ARHGAP24: variants seen among roughly 807,000 people sequenced by gnomAD.
ARHGAP24 encodes Rho GTPase activating protein 24.
ARHGAP24 carries 50 observed loss-of-function variants against 76.4 expected under a neutral mutation model. That is an observed-to-expected ratio of 0.65 (90% CI 0.52 to 0.83). The LOEUF is 0.83. Among genes scored for constraint, ARHGAP24 ranks in the 40% least tolerant of loss-of-function variants. The probability of loss-of-function intolerance (pLI) is 0.00; values close to 1 mark genes in which losing one functional copy is unlikely to be tolerated. For synonymous variants in ARHGAP24, 345 were observed against 323.3 expected (o/e 1.07, Z -0.72); for missense variants, 930 against 914.2 (o/e 1.02, Z -0.22).
chr4:85,874,630 T>C (rs1320561204), intron 3 of ARHGAP24, among the ~76,000 whole-genome samples: 1 of 151,524 alleles, frequency 6.6e-6, no homozygotes, highest in South Asian at 2.1e-4. Flanking sequence ...ATCATTCCCC[T>C]GTTTAACGAT....
chr4:85,953,742 G>T (rs71603476), intron 5 of ARHGAP24, among the ~76,000 whole-genome samples: 4,047 of 152,156 alleles, frequency 0.027, 86 homozygotes, highest in South Asian at 0.058. Flanking sequence ...CAGAGAGCAG[G>T]CACGAGGTCA....
chr4:85,838,128 A>G (rs1254130716), intron 3 of ARHGAP24, among the ~76,000 whole-genome samples: 1 of 152,152 alleles, frequency 6.6e-6, no homozygotes, highest in East Asian at 1.9e-4. Flanking sequence ...TCTCACAACA[A>G]TGCTATAAAC....
chr4:85,856,024 G>T (rs1005657174), intron 3 of ARHGAP24, among the ~76,000 whole-genome samples: 1 of 152,154 alleles, frequency 6.6e-6, no homozygotes, highest in Non-Finnish European at 1.5e-5. Flanking sequence ...AACTTTAAAA[G>T]AAATGTGGTA....
intron 1 of ARHGAP24, among the ~76,000 whole-genome samples, chr4:85,484,199 C>G (rs1001721899): frequency 1.3e-5 from 2 of 152,184 alleles, no homozygotes. Flanking sequence ...TAGCTAGATT[C>G]TGTACCTTCT....
At chr4:85,519,387 G>T (rs1326912351) in intron 1 of ARHGAP24, among the ~76,000 whole-genome samples, 1 of 152,102 alleles carries the variant, frequency 6.6e-6, no homozygotes, top group Non-Finnish European at 1.5e-5. Flanking sequence ...TTGGACCCAG[G>T]ACTACCTGGC....
intron 1 of ARHGAP24, 103 bp from the exon 2 acceptor site, chr4:85,570,393 TCTTTCTTTCTTTCTTTCTTTCTTTCC>T (rs1553915267): frequency 2.1e-5 from 2 of 94,664 alleles, no homozygotes; most frequent in South Asian, 5.1e-4. Flanking sequence ...TTTCTTTCTT[TCTTTCTTTCTTTCTTTCTTTCTTTCC>T]TCTCTCTCTC....
chr4:85,894,566 T>G (rs1174680141), intron 3 of ARHGAP24, among the ~76,000 whole-genome samples: 1 of 152,158 alleles, frequency 6.6e-6, no homozygotes, highest in Non-Finnish European at 1.5e-5. Flanking sequence ...CTAAGCAAAG[T>G]TGAATCACTA....
At chr4:85,918,930 G>A (rs375506668) in intron 3 of ARHGAP24, among the ~76,000 whole-genome samples, 20 of 151,954 alleles carry the variant, frequency 1.3e-4, no homozygotes, top group East Asian at 1.9e-4. Flanking sequence ...TTTAAAATGC[G>A]AACAAATCTA....
At chr4:85,998,049 T>G (rs1047731677) in intron 9 of ARHGAP24, among the ~76,000 whole-genome samples, 22 of 152,210 alleles carry the variant, frequency 1.4e-4, no homozygotes, top group Non-Finnish European at 2.8e-4. Flanking sequence ...AACTATTCCC[T>G]TATTACTGGA....
At chr4:85,765,194 A>G (rs375180671) in intron 3 of ARHGAP24, among the ~76,000 whole-genome samples, 17 of 152,294 alleles carry the variant, frequency 1.1e-4, no homozygotes, top group African/African-American at 4.1e-4. Context: ...GTTTTGTGAA[A>G]GGTAGCTATT....
At chr4:85,769,277 G>C (rs962250564) in intron 3 of ARHGAP24, among the ~76,000 whole-genome samples, 1 of 152,118 alleles carries the variant, frequency 6.6e-6, no homozygotes, top group Non-Finnish European at 1.5e-5. Flanking sequence ...CATTTATTAG[G>C]TAGTCATTTT....
At chr4:85,746,034 G>T (rs1453700158) in intron 3 of ARHGAP24, among the ~76,000 whole-genome samples, 1 of 152,196 alleles carries the variant, frequency 6.6e-6, no homozygotes, top group Non-Finnish European at 1.5e-5. Flanking sequence ...TCAAGTCGGG[G>T]TAGGTTTTTA....
intron 3 of ARHGAP24, among the ~76,000 whole-genome samples, chr4:85,751,375 A>G (rs1272820964): frequency 6.6e-6 from 1 of 152,198 alleles, no homozygotes; most frequent in Non-Finnish European, 1.5e-5. Context: ...AATATCTTAT[A>G]AATGTATGTT....
intron 1 of ARHGAP24, among the ~76,000 whole-genome samples, chr4:85,500,941 A>G (rs981728661): frequency 2.6e-5 from 4 of 151,450 alleles, no homozygotes; most frequent in Non-Finnish European, 5.9e-5. Context: ...TCATTGTTCA[A>G]TTCCCACCTA....
intron 2 of ARHGAP24, among the ~76,000 whole-genome samples, chr4:85,638,970 C>G (rs770186641): frequency 7.2e-5 from 11 of 152,106 alleles, no homozygotes; most frequent in Non-Finnish European, 1.5e-4. Flanking sequence ...TTTACAGAGG[C>G]CTTCTGTTAT....
At chr4:85,917,149 G>A (rs1296968266) in intron 3 of ARHGAP24, among the ~76,000 whole-genome samples, 2 of 152,022 alleles carry the variant, frequency 1.3e-5, no homozygotes, top group African/African-American at 4.8e-5. Context: ...ACCTATGAGT[G>A]AGAACATGCA....
intron 2 of ARHGAP24, among the ~76,000 whole-genome samples, chr4:85,676,240 G>A (rs937178474): frequency 6.6e-6 from 1 of 152,098 alleles, no homozygotes; most frequent in Non-Finnish European, 1.5e-5. Context: ...TACACACACT[G>A]GGCTGCCAAA....
chr4:85,910,978 T>C (rs532591931), intron 3 of ARHGAP24, among the ~76,000 whole-genome samples: 1 of 152,104 alleles, frequency 6.6e-6, no homozygotes, highest in African/African-American at 2.4e-5. Context: ...GACTTTGCTC[T>C]GAGATCGGAG....
chr4:85,628,306 G>T (rs1482312461), intron 2 of ARHGAP24, among the ~76,000 whole-genome samples: 1 of 152,140 alleles, frequency 6.6e-6, no homozygotes, highest in Non-Finnish European at 1.5e-5. Context: ...AATTTCTCCT[G>T]TCATTGATTT....
Sources: allele counts gnomAD v4.1 joint callset (sites outside exome capture counted in the v4.1 genomes callset), GRCh38; gene constraint gnomAD v4.1.1; transcripts MANE v1.5; gene names NCBI Gene and HGNC (gene_info 2026-07-23, HGNC 2026-07-21).